ZNF718: variants seen among roughly 807,000 people sequenced by gnomAD.
ZNF718 encodes the protein zinc finger protein 718.
In ZNF718, 3 loss-of-function variants were observed where a neutral mutation model predicts 2.6. That is an observed-to-expected ratio of 1.16 (90% confidence interval 0.53 to 3.01). ZNF718 has a LOEUF of 3.01. ZNF718 is among the 30% of genes most tolerant of loss of function. The pLI is 0.03. For missense variants in ZNF718, 468 were observed against 230.0 expected, an observed-to-expected ratio of 2.03 and a Z score of -6.69; for synonymous variants, 135 against 77.9, an observed-to-expected ratio of 1.73 and a Z score of -3.86.
intron 3 of ZNF718, among the ~76,000 whole-genome samples, chr4:147,424 T>A (rs1716114759): frequency 6.6e-6 from 1 of 152,176 alleles, no homozygotes; most frequent in South Asian, 2.1e-4. Context: ...TGATGCGATT[T>A]CTGCTGATAT....
At chr4:155,545 G>A (rs1716531147) in intron 3 of ZNF718, among the ~76,000 whole-genome samples, 1 of 152,180 alleles carries the variant, frequency 6.6e-6, no homozygotes. Flanking sequence ...CTGAATTTTG[G>A]CCTTGCATGG....
chr4:189,909 T>A (rs1242115426), intron 3 of ZNF718, among the ~76,000 whole-genome samples: 2 of 152,200 alleles, frequency 1.3e-5, no homozygotes, highest in African/African-American at 2.4e-5. Flanking sequence ...TGTAATATGT[T>A]GATTTTTAAA....
intron 3 of ZNF718, among the ~76,000 whole-genome samples, chr4:153,270 A>T (rs781996872): frequency 6.6e-6 from 1 of 152,042 alleles, no homozygotes; most frequent in Non-Finnish European, 1.5e-5. Flanking sequence ...GGATACTGTC[A>T]TCTGTCTATT....
At chr4:149,886 A>T (rs1553812234) in intron 3 of ZNF718, 1 of 152,148 alleles carries the variant, frequency 6.6e-6, no homozygotes, top group Non-Finnish European at 1.5e-5. Context: ...AGTTATAAAA[A>T]AATAAAATTG....
rs1553814857 is a variant in ZNF718, at chr4:161,088, T to C, written c.403T>C (p.Leu135=). 1.3e-6 allele frequency: 1 copy of C among 775,332 alleles called. No individual in the cohort carries two copies. The highest frequency in any genetic ancestry group is 1.7e-5 in the Admixed American group (1 of 57,830). 48.0% of individuals were successfully genotyped at this position (775,332 alleles called of 1,614,324 possible). A position where few individuals can be genotyped will look rare whatever the true frequency, so the allele number is the denominator to read the frequency against. The change falls in exon 4 of 4, where the codon TTA becomes CTA. Residue 135 remains leucine (L), a synonymous_variant. Coordinates refer to ENST00000510175, the MANE Select transcript of ZNF718 (RefSeq NM_001039127.6). ...KGGYNRINQC[L]LTTQKKTIQS... ...TGGTTATAATAGAATTAACCAATGC[T>C]TATTAACTACCCAGAAAAAAACAAT...
At chr4:154,215 CCT>C (rs1407792382) in intron 3 of ZNF718, among the ~76,000 whole-genome samples, 1 of 152,154 alleles carries the variant, frequency 6.6e-6, no homozygotes, top group African/African-American at 2.4e-5. Context: ...GTCCATTAAA[CCT>C]CTTTTTCTTT....
At chr4:183,852 T>C (rs1019325759) in intron 3 of ZNF718, among the ~76,000 whole-genome samples, 5 of 152,134 alleles carry the variant, frequency 3.3e-5, no homozygotes, top group African/African-American at 1.2e-4. Context: ...TTTTTTTCAT[T>C]GTTTTTGTAT....
chr4:140,608 C>G (rs782021863), intron 3 of ZNF718, among the ~76,000 whole-genome samples: 12 of 152,138 alleles, frequency 7.9e-5, no homozygotes, highest in Non-Finnish European at 1.2e-4. Context: ...CTGCTTTACC[C>G]AAAATTTTGG....
chr4:174,019 C>T (rs1272803171), intron 3 of ZNF718, among the ~76,000 whole-genome samples: 2 of 152,002 alleles, frequency 1.3e-5, no homozygotes, highest in Non-Finnish European at 2.9e-5. Flanking sequence ...CAGTCCTGCA[C>T]ATGAATGATC....
intron 3 of ZNF718, among the ~76,000 whole-genome samples, chr4:170,183 T>C (rs1717191698): frequency 6.6e-6 from 1 of 152,240 alleles, no homozygotes; most frequent in Non-Finnish European, 1.5e-5. Context: ...GCCCCCACTC[T>C]CTTCTGGCTT....
chr4:143,537 C>T (rs1553810626), intron 3 of ZNF718, among the ~76,000 whole-genome samples: 4 of 152,176 alleles, frequency 2.6e-5, no homozygotes, highest in East Asian at 1.9e-4. Flanking sequence ...TTGGACTAAG[C>T]TCATACACTA....
At chr4:192,336 C>G (rs184914292) in intron 3 of ZNF718, among the ~76,000 whole-genome samples, 70 of 152,352 alleles carry the variant, frequency 4.6e-4, no homozygotes, top group Admixed American at 4.6e-3. Flanking sequence ...GTCCCTCCCC[C>G]TGTGCTCTCA....
intron 3 of ZNF718, among the ~76,000 whole-genome samples, chr4:158,353 G>T (rs1716669754): frequency 6.6e-6 from 1 of 151,848 alleles, no homozygotes; most frequent in Admixed American, 6.6e-5. Flanking sequence ...TGAATGGAAA[G>T]TTTACTTCAT....
intron 3 of ZNF718, among the ~76,000 whole-genome samples, chr4:151,207 G>A (rs540856098): frequency 1.3e-5 from 2 of 152,034 alleles, no homozygotes; most frequent in East Asian, 3.9e-4. Flanking sequence ...GGTTCAGGCA[G>A]TTCTCCTGCC....
chr4:132,015 A>C lies in ZNF718; in HGVS notation c.226+510A>C, dbSNP rs1299610434. On this transcript the variant is annotated intron_variant, in intron 3 of 3. Coordinates refer to ENST00000510175, the MANE Select transcript of ZNF718 (RefSeq NM_001039127.6). ...AGCCGAGATCGTGCCACTGCACTCCAGCCTGAGCGACAGAGCGAGACTCCG... is the reference window on the plus strand; with the variant it reads ...AGCCGAGATCGTGCCACTGCACTCCCGCCTGAGCGACAGAGCGAGACTCCG... 3.1e-5 allele frequency among the ~76,000 whole-genome samples: 3 copies of C among 96,726 alleles called. 1 individual carries two copies. The highest frequency in any genetic ancestry group is 1.1e-4 in the African/African-American group (3 of 27,654). 63.5% of individuals were successfully genotyped at this position (96,726 alleles called of 152,430 possible). A position where few individuals can be genotyped will look rare whatever the true frequency, so the allele number is the denominator to read the frequency against.
chr4:139,736 C>T (rs1016181013), intron 3 of ZNF718, among the ~76,000 whole-genome samples: 27 of 152,204 alleles, frequency 1.8e-4, no homozygotes, highest in Non-Finnish European at 4.0e-4. Context: ...AAGAAGTAAG[C>T]CCAAAGTTTG....
downstream of ZNF718, among the ~76,000 whole-genome samples, chr4:166,295 T>C (rs1354332057): frequency 7.2e-5 from 11 of 152,244 alleles, no homozygotes; most frequent in South Asian, 4.1e-4. Context: ...TTGTGAATAG[T>C]GCTGCGATAA....
intron 3 of ZNF718, among the ~76,000 whole-genome samples, chr4:142,971 C>G (rs1553810504): frequency 6.6e-6 from 1 of 152,152 alleles, no homozygotes; most frequent in Non-Finnish European, 1.5e-5. Flanking sequence ...TGTATTCTCT[C>G]AAAGGTTTTA....
intron 4 of ZNF718, chr4:201,387 G>A (rs1717896338): frequency 6.6e-6 from 1 of 152,350 alleles, no homozygotes; most frequent in South Asian, 2.1e-4. Context: ...TTTTGGTGGG[G>A]TGGTTAGGTA....
Sources: allele counts gnomAD v4.1 joint callset (sites outside exome capture counted in the v4.1 genomes callset), GRCh38; gene constraint gnomAD v4.1.1; transcripts MANE v1.5; gene names NCBI Gene and HGNC (gene_info 2026-07-23, HGNC 2026-07-21).